The following SOX5 variants were observed in gnomAD, a reference collection of about 807,000 sequenced individuals.
SOX5 encodes SRY-box transcription factor 5.
Under a neutral mutation model 92.0 loss-of-function variants are expected in SOX5, and 9 were observed. The ratio of observed to expected loss-of-function variants is 0.10; its 90% CI spans 0.06 to 0.17. The LOEUF (loss-of-function observed/expected upper bound fraction) is 0.17. Ranked by LOEUF, SOX5 falls within the 10% of genes least tolerant of loss-of-function variation. The pLI, the probability that SOX5 is intolerant of heterozygous loss-of-function variation, is 1.00. For synonymous variants in SOX5, 344 were observed against 336.3 expected (o/e 1.02, Z -0.25); for missense variants, 642 against 944.5 (o/e 0.68, Z 4.20).
chr12:24,556,157 C>A (rs1355415738), intron 1 of SOX5, among the ~76,000 whole-genome samples: 1 of 152,202 alleles, frequency 6.6e-6, no homozygotes, highest in Non-Finnish European at 1.5e-5. Flanking sequence ...AAAGGCTCTC[C>A]CGGCCTTGTC....
chr12:23,639,314 C>T (rs567179930), intron 8 of SOX5, among the ~76,000 whole-genome samples: 1 of 152,338 alleles, frequency 6.6e-6, no homozygotes, highest in Middle Eastern at 3.4e-3. Flanking sequence ...AACATAGCTA[C>T]TTTCGAAGAG....
At chr12:23,867,949 A>G (rs764943828) in intron 2 of SOX5, among the ~76,000 whole-genome samples, 17 of 152,014 alleles carry the variant, frequency 1.1e-4, no homozygotes, top group Non-Finnish European at 2.4e-4. Flanking sequence ...CTCAATCAGA[A>G]AAAAAAATTT....
At chr12:23,957,136 T>C (rs1946375976) in intron 4 of SOX5, among the ~76,000 whole-genome samples, 1 of 152,240 alleles carries the variant, frequency 6.6e-6, no homozygotes, top group African/African-American at 2.4e-5. Context: ...TACTTGTAGT[T>C]GACAGTTTAT....
At chr12:23,802,836 C>T (rs548478300) in intron 3 of SOX5, among the ~76,000 whole-genome samples, 1 of 151,936 alleles carries the variant, frequency 6.6e-6, no homozygotes, top group Non-Finnish European at 1.5e-5. Context: ...TTATTGTGTC[C>T]CTTTATGTGT....
At chr12:24,252,453 G>A (rs78030007) in intron 3 of SOX5, among the ~76,000 whole-genome samples, 13,342 of 151,810 alleles carry the variant, frequency 0.088, 903 homozygotes, top group Non-Finnish European at 0.13. Context: ...GAAAAGATTC[G>A]CTTTGGTGAA....
At chr12:23,847,835 A>G (rs1223954965) in intron 2 of SOX5, among the ~76,000 whole-genome samples, 1 of 152,164 alleles carries the variant, frequency 6.6e-6, no homozygotes, top group African/African-American at 2.4e-5. Context: ...TTTAGAAATC[A>G]ATGTACAAAA....
At chr12:23,864,173 T>C (rs184289677) in intron 2 of SOX5, among the ~76,000 whole-genome samples, 24 of 152,278 alleles carry the variant, frequency 1.6e-4, no homozygotes, top group Admixed American at 7.2e-4. Flanking sequence ...GTAATTGTTT[T>C]GGAGCACCAC....
intron 1 of SOX5, among the ~76,000 whole-genome samples, chr12:24,382,379 G>T (rs144251575): frequency 6.6e-6 from 1 of 152,038 alleles, no homozygotes; most frequent in East Asian, 1.9e-4. Context: ...AAAGAGCAAC[G>T]GGCAGTATGG....
intron 4 of SOX5, among the ~76,000 whole-genome samples, chr12:24,071,199 C>G (rs12298426): frequency 0.32 from 48,690 of 151,956 alleles, 8,432 homozygotes; most frequent in Non-Finnish European, 0.4. Flanking sequence ...TTAAATATGA[C>G]CCCAATTAAT....
chr12:24,175,035 C>T (rs995741789), intron 4 of SOX5, among the ~76,000 whole-genome samples: 1 of 152,198 alleles, frequency 6.6e-6, no homozygotes, highest in Non-Finnish European at 1.5e-5. Flanking sequence ...CAGGGCCTTA[C>T]CTCAAAGCTC....
At chr12:24,470,710 A>T (rs1347396686) in intron 1 of SOX5, among the ~76,000 whole-genome samples, 3 of 152,172 alleles carry the variant, frequency 2.0e-5, no homozygotes, top group Non-Finnish European at 4.4e-5. Flanking sequence ...AAGTACTTGG[A>T]CTCAGAATAT....
intron 8 of SOX5, among the ~76,000 whole-genome samples, chr12:23,626,137 A>G (rs1425617652): frequency 6.6e-6 from 1 of 152,188 alleles, no homozygotes; most frequent in African/African-American, 2.4e-5. Flanking sequence ...GGAGAGAGAT[A>G]GTCAAGAAAT....
At chr12:24,025,310 G>T (rs749011304) in intron 4 of SOX5, among the ~76,000 whole-genome samples, 2 of 151,974 alleles carry the variant, frequency 1.3e-5, no homozygotes, top group Non-Finnish European at 2.9e-5. Context: ...TGGTAAACAT[G>T]ACTTGTGTCT....
intron 9 of SOX5, chr12:23,584,459 G>C (rs1321932895): frequency 5.0e-6 from 5 of 1,007,736 alleles, no homozygotes; most frequent in Non-Finnish European, 7.9e-6. Flanking sequence ...CAGAGTGGGA[G>C]AAATCATAGA....
intron 1 of SOX5, among the ~76,000 whole-genome samples, chr12:23,927,768 G>A (rs985516295): frequency 6.6e-6 from 1 of 151,732 alleles, no homozygotes; most frequent in Non-Finnish European, 1.5e-5. Flanking sequence ...AAGAACCATT[G>A]GTATGCTGCT....
At chr12:24,179,689 C>T (rs1336495709) in intron 4 of SOX5, among the ~76,000 whole-genome samples, 3 of 152,100 alleles carry the variant, frequency 2.0e-5, no homozygotes, top group Non-Finnish European at 4.4e-5. Flanking sequence ...TAATTTTGCC[C>T]AGCTGTAGGC....
At chr12:24,413,073 T>A (rs1964407393) in intron 1 of SOX5, among the ~76,000 whole-genome samples, 1 of 152,200 alleles carries the variant, frequency 6.6e-6, no homozygotes, top group Non-Finnish European at 1.5e-5. Context: ...ATTTTCTTGG[T>A]TACCAACGTT....
intron 1 of SOX5, among the ~76,000 whole-genome samples, chr12:24,440,677 T>C (rs1486973627): frequency 6.6e-6 from 1 of 151,748 alleles, no homozygotes; most frequent in Non-Finnish European, 1.5e-5. Flanking sequence ...CTTAATTCTC[T>C]CTACTGGAAT....
chr12:23,832,868 T>C (rs974452406), intron 3 of SOX5, among the ~76,000 whole-genome samples: 3 of 151,350 alleles, frequency 2.0e-5, no homozygotes, highest in Non-Finnish European at 4.4e-5. Context: ...AGAACCAAAA[T>C]AGATAAAATT....
Sources: allele counts gnomAD v4.1 joint callset (sites outside exome capture counted in the v4.1 genomes callset), GRCh38; gene constraint gnomAD v4.1.1; transcripts MANE v1.5; gene names NCBI Gene and HGNC (gene_info 2026-07-23, HGNC 2026-07-21).